Variants in WDR64 observed in about 807,000 individuals in gnomAD.
The protein encoded by WDR64 is WD repeat domain 64.
WDR64 carries 112 observed loss-of-function variants against 139.3 expected under a neutral mutation model. That is an observed-to-expected ratio of 0.80 (90% CI 0.69 to 0.94). The LOEUF is 0.94. Ranked by LOEUF, WDR64 falls within the 40% of genes least tolerant of loss-of-function variation. WDR64 has a pLI of 0.00. For missense variants in WDR64, 1,206 were observed against 1,293.1 expected (o/e 0.93, Z 1.03); for synonymous variants, 444 against 437.7 (o/e 1.01, Z -0.18).
In WDR64 at chr1:241,674,173, C is replaced by T. The variant is rs78972717; in HGVS notation, c.380-471C>T. On this transcript the variant is annotated intron_variant, in intron 3 of 27. Coordinates refer to ENST00000437684, the MANE Select transcript of WDR64 (RefSeq NM_001367482.1). ...AGGATCATTAAAACACAATGGTTGCCGGGTTTTAGGTTTTATTCTACTTTA... is the reference window on the plus strand; with the variant it reads ...AGGATCATTAAAACACAATGGTTGCTGGGTTTTAGGTTTTATTCTACTTTA... Among the ~76,000 whole-genome samples, 607 of 151,324 alleles carry T rather than the reference C, an allele frequency of 4.0e-3. 6 individuals carry two copies. The highest frequency in any genetic ancestry group is 0.014 in the African/African-American group (579 of 41,268).
rs556883837 is a variant in WDR64 at position 241,694,652 on chromosome 1, A to T, written c.974+7057A>T. On this transcript the variant is annotated intron_variant, in intron 8 of 27. Coordinates refer to ENST00000437684, the MANE Select transcript of WDR64 (RefSeq NM_001367482.1). ...AGGAACACTGTGAAAACGTATGCAG[A>T]TTGATATGCCCTTGTAGTCCTACAG... Among the ~76,000 whole-genome samples, 4 of 152,310 alleles carry T rather than the reference A, an allele frequency of 2.6e-5. No homozygotes were observed. The East Asian group carries it at 7.7e-4, about 29-fold the overall frequency.
chr1:241,674,869 C>CCTTCCTTCCTCTCTCCTCCCTT (rs1480408379), intron 4 of WDR64, 122 bp downstream of exon 4: 1 of 143,830 alleles, frequency 7.0e-6, no homozygotes, highest in Non-Finnish European at 1.4e-5. Context: ...CTCCCTCCCT[C>CCTTCCTTCCTCTCTCCTCCCTT]CTTTCTTTCT....
At chr1:241,660,443 C>A in intron 1 of WDR64, 87 bp from the exon 2 acceptor site, 1 of 1,441,772 alleles carries the variant, frequency 6.9e-7, no homozygotes, top group Non-Finnish European at 9.4e-7. Context: ...AAAGAAAATA[C>A]AAGGTGAGGA....
intron 8 of WDR64, among the ~76,000 whole-genome samples, chr1:241,701,560 T>C (rs1361560415): frequency 6.6e-6 from 1 of 152,244 alleles, no homozygotes; most frequent in Non-Finnish European, 1.5e-5. Context: ...CAGGAGTTTG[T>C]CTTTGAGCCC....
At chr1:241,663,645 G>A (rs887198540) in intron 2 of WDR64, among the ~76,000 whole-genome samples, 16 of 152,214 alleles carry the variant, frequency 1.1e-4, no homozygotes, top group African/African-American at 3.4e-4. Context: ...AAACTAGAGT[G>A]GGGCCTTCCA....
intron 9 of WDR64, among the ~76,000 whole-genome samples, chr1:241,713,509 G>T (rs1043131942): frequency 1.9e-4 from 16 of 85,600 alleles, no homozygotes; most frequent in Non-Finnish European, 3.2e-4. Flanking sequence ...AAAGAAAAAA[G>T]AAAGAAAGAA....
chr1:241,669,609 C>A (rs756572636), intron 2 of WDR64, among the ~76,000 whole-genome samples: 11 of 152,060 alleles, frequency 7.2e-5, no homozygotes, highest in Non-Finnish European at 1.2e-4. Flanking sequence ...GATTTTCCCA[C>A]AGAAGGGAAT....
At chr1:241,734,733 A>G (rs1669228002) in intron 10 of WDR64, among the ~76,000 whole-genome samples, 1 of 152,128 alleles carries the variant, frequency 6.6e-6, no homozygotes, top group African/African-American at 2.4e-5. Context: ...TCATCATATT[A>G]TAATTGCTAA....
At chr1:241,711,643 T>A (rs1460662810) in intron 8 of WDR64, among the ~76,000 whole-genome samples, 159 bp from the exon 9 acceptor site, 1 of 152,238 alleles carries the variant, frequency 6.6e-6, no homozygotes, top group Non-Finnish European at 1.5e-5. Context: ...AGATTCTTAC[T>A]GTTAATTACG....
rs1044189378 is a variant in WDR64 at position 241,783,134 on chromosome 1, C to A, written c.2596-138C>A. ...AAGCAAGAGAAGAGCTAATTGGGGG[C>A]AAGGACTTAATCATCTAGCACAGAT... is the stretch of plus-strand genomic sequence containing the variant. On this transcript the variant is annotated intron_variant, in intron 22 of 27. Coordinates refer to ENST00000437684, the MANE Select transcript of WDR64 (RefSeq NM_001367482.1). 4.3e-6 allele frequency: 3 copies of A among 699,220 alleles called. No individual in the cohort carries two copies. The African/African-American group carries it at 5.5e-5, about 13-fold the overall frequency. 43.3% of individuals were successfully genotyped at this position (699,220 alleles called of 1,614,324 possible).
At chr1:241,696,293 C>A (rs1574016576) in intron 8 of WDR64, among the ~76,000 whole-genome samples, 1 of 151,824 alleles carries the variant, frequency 6.6e-6, no homozygotes, top group Non-Finnish European at 1.5e-5. Context: ...TACAGCTACT[C>A]AATGACCTCA....
rs572150237 is a variant in WDR64, at chr1:241,748,743, T to G, written c.1595-804T>G. Among the ~76,000 whole-genome samples the G allele has an allele frequency of 2.2e-4, 34 of 152,018 alleles. 1 individual carries two copies. In the South Asian group the frequency reaches 6.8e-3, roughly 31 times the overall value. On this transcript the variant is annotated intron_variant, in intron 13 of 27. Transcript: ENST00000437684. ...TCATGAGGTCAGGAGATCGAGACCA[T>G]CCTGGCTAACATGGTGAAACCTCGT...
rs1467507242 is a variant in WDR64, at chr1:241,703,832, G to A, written c.975-7970G>A. Among the ~76,000 whole-genome samples, 2 of 152,148 alleles carry A rather than the reference G, an allele frequency of 1.3e-5. No homozygotes were observed. Among genetic ancestry groups the A allele is most frequent in the Non-Finnish European group, 2.9e-5 (2 of 68,030 alleles). Reference sequence around the variant, plus strand: ...ATGGCGGAAGGTGAAAGGGAAGCAAGGACCTTCTTCACATGATGGCAGGAG... The same window carrying A: ...ATGGCGGAAGGTGAAAGGGAAGCAAAGACCTTCTTCACATGATGGCAGGAG... On this transcript the variant is annotated intron_variant, in intron 8 of 27. Transcript: ENST00000437684. This position sits in a 1 kb window ranked among gnomAD's most constrained non-coding sequence, Gnocchi z 5.9.
chr1:241,673,280 C>T (rs142128912), intron 3 of WDR64, among the ~76,000 whole-genome samples: 3,579 of 151,742 alleles, frequency 0.024, 70 homozygotes, highest in Middle Eastern at 0.054. Context: ...TGTATACATA[C>T]GTAACAAACC....
At chr1:241,772,755 G>A (rs1398922967) in intron 19 of WDR64, 37 bp from the exon 20 acceptor site, 15 of 1,547,666 alleles carry the variant, frequency 9.7e-6, no homozygotes, top group East Asian at 2.5e-5. Context: ...GAGCCACCAC[G>A]CCTGGCCTCA....
chr1:241,674,879 T>TC (rs1666416263), intron 4 of WDR64, 132 bp downstream of exon 4: 3 of 136,568 alleles, frequency 2.2e-5, no homozygotes, highest in African/African-American at 8.7e-5. Flanking sequence ...CCTTTCTTTC[T>TC]TTCCTTCTTG....
At position 241,744,255 on chromosome 1, in the gene WDR64, A is replaced by G. The variant is rs1247758113; in HGVS notation, c.1471-138A>G. The G allele has an allele frequency of 4.7e-6, 5 of 1,066,806 alleles. No individual in the cohort carries two copies. The African/African-American group carries it at 8.0e-5, about 17-fold the overall frequency. 66.1% of individuals were successfully genotyped at this position (1,066,806 alleles called of 1,614,324 possible). A position where few individuals can be genotyped will look rare whatever the true frequency, so the allele number is the denominator to read the frequency against. The stretch of plus-strand genomic sequence containing the variant: ...TAGAACTTTCTTTGATAAAACCAAC[A>G]TTCAGGGCAGAGCGCTAGGAAATGT... On this transcript the variant is annotated intron_variant, in intron 12 of 27. Transcript: ENST00000437684.
chr1:241,734,193 C>T (rs180990228), intron 10 of WDR64, among the ~76,000 whole-genome samples: 1 of 152,066 alleles, frequency 6.6e-6, no homozygotes, highest in East Asian at 1.9e-4. Flanking sequence ...CTGGAAGCCT[C>T]CTTCCTGCTT....
intron 24 of WDR64, 57 bp from the exon 25 acceptor site, chr1:241,790,534 A>T (rs1291239645): frequency 6.4e-6 from 9 of 1,407,564 alleles, no homozygotes; most frequent in Non-Finnish European, 8.9e-6. Flanking sequence ...ATCTTTGTTT[A>T]GTTGGCAGAG....
Sources: gnomAD v4.1 joint callset for allele counts (sites outside exome capture counted in the v4.1 genomes callset) on GRCh38, gnomAD v4.1.1 for gene constraint, Gnocchi (gnomAD v3.1) non-coding constraint, MANE v1.5 for transcripts, NCBI Gene and HGNC (gene_info 2026-07-23, HGNC 2026-07-21) for gene names.